Variants in IFT140 observed in about 807,000 individuals in gnomAD.
IFT140 encodes the protein intraflagellar transport 140, also known as intraflagellar transport protein 140 homolog.
A neutral mutation model predicts 164.6 loss-of-function variants in IFT140; 133 were observed. The observed-to-expected ratio is 0.81, with a 90% CI of 0.70 to 0.93. The LOEUF (loss-of-function observed/expected upper bound fraction) is 0.93. IFT140 is among the 40% of genes least tolerant of loss of function. The pLI, the probability that IFT140 is intolerant of heterozygous loss-of-function variation, is 0.00. For missense variants in IFT140, 2,045 were observed against 1,972.3 expected (o/e 1.04, Z -0.70); for synonymous variants, 860 against 817.3 (o/e 1.05, Z -0.89).
chr16:1,524,274 C>T, intron 24 of IFT140: 2 of 605,920 alleles, frequency 3.3e-6, no homozygotes. Flanking sequence ...CTGCCGTCTG[C>T]AAGGCCATAG....
chr16:1,556,800 T>C (rs1460336550), intron 19 of IFT140, among the ~76,000 whole-genome samples: 2 of 152,104 alleles, frequency 1.3e-5, no homozygotes, highest in Admixed American at 6.6e-5. Flanking sequence ...CTGAAAATAA[T>C]TGTTTTTTGT....
At chr16:1,523,456 G>T in intron 26 of IFT140, 62 bp downstream of exon 26, 1 of 1,540,164 alleles carries the variant, frequency 6.5e-7, no homozygotes. Context: ...AGCCTCTGGG[G>T]ACAGGAGACC....
In IFT140 at chr16:1,520,681, T is replaced by C. The variant is rs754978656; in HGVS notation, c.3581A>G (p.Gln1194Arg). Residue 1194 changes from glutamine (Q) to arginine (R), a missense_variant, in exon 27 of 31, where the codon CAG becomes CGG. Physicochemically the swap from Gln to Arg is conservative, Grantham distance 43. Transcript: ENST00000426508. ...PEESRRELLE[Q>R]IADCCMRQGS... ...CTGGCGCATGCAGCAGTCTGCTATC[T>C]GCTCCAGCAGCTCCCGCCGCGACTC... is the stretch of plus-strand genomic sequence containing the variant. 5 of 1,608,804 alleles carry C rather than the reference T, an allele frequency of 3.1e-6. No individual in the cohort carries two copies. The Admixed American group carries it at 8.4e-5, about 27-fold the overall frequency.
rs528042599 is a variant in IFT140 at position 1,571,646 on chromosome 16, T to C, written c.1525-112A>G. On this transcript the variant is annotated intron_variant, in intron 13 of 30. Transcript: ENST00000426508. ...TATATTTCATGTGAGTTACTGAACA[T>C]TGTTCACAGATAACCTTGTACACTC... 2.1e-4 allele frequency: 250 copies of C among 1,179,374 alleles called. No individual in the cohort carries two copies. The African/African-American group carries it at 3.1e-3, about 15-fold the overall frequency. The allele number at this position is 1,179,374 out of a possible 1,614,324, so 73.1% of individuals were successfully genotyped here. A position where few individuals can be genotyped will look rare whatever the true frequency, so the allele number is the denominator to read the frequency against.
chr16:1,550,654 T>C (rs1433094679), intron 19 of IFT140, among the ~76,000 whole-genome samples: 1 of 152,228 alleles, frequency 6.6e-6, no homozygotes, highest in African/African-American at 2.4e-5. Flanking sequence ...CTACCCGCTC[T>C]GTGCTTTGCT....
At chr16:1,590,061 C>T (rs2035094651) in intron 6 of IFT140, among the ~76,000 whole-genome samples, 1 of 151,866 alleles carries the variant, frequency 6.6e-6, no homozygotes. Context: ...GCCAGGCGGG[C>T]GTGGTGGTAT....
At chr16:1,543,187 C>T (rs1318936203) in intron 19 of IFT140, among the ~76,000 whole-genome samples, 2 of 152,252 alleles carry the variant, frequency 1.3e-5, no homozygotes, top group East Asian at 1.9e-4. Flanking sequence ...CGGAGCTGCC[C>T]GCACCCTCCT....
chr16:1,580,862 G>A lies in IFT140; in HGVS notation c.1433-12C>T, dbSNP rs527374193. On this transcript the variant is annotated splice_polypyrimidine_tract_variant and intron_variant, in intron 12 of 30. Coordinates refer to ENST00000426508, the MANE Select transcript of IFT140 (RefSeq NM_014714.4). ...ACACAAGAAGGTCCCTAAAATGAAA[G>A]ACGAACATCAGGATGGCGGCCGCTC... 1 of 1,593,980 alleles carries A rather than the reference G, an allele frequency of 6.3e-7. No homozygotes were observed. Among genetic ancestry groups the A allele is most frequent in the African/African-American group, 1.3e-5 (1 of 74,648 alleles).
At chr16:1,512,231 C>A (rs1255909937) in intron 30 of IFT140, among the ~76,000 whole-genome samples, 1 of 108,918 alleles carries the variant, frequency 9.2e-6, no homozygotes, top group Non-Finnish European at 1.8e-5. Flanking sequence ...GCAGGACAGG[C>A]GGCGTAGGTG....
chr16:1,588,495 A>G (rs1888510277), intron 7 of IFT140, among the ~76,000 whole-genome samples: 1 of 144,832 alleles, frequency 6.9e-6, no homozygotes, highest in Admixed American at 7.0e-5. Context: ...ACTGCACTCC[A>G]GCCTGGGTGA....
At chr16:1,595,870 T>G (rs994759257) in intron 4 of IFT140, among the ~76,000 whole-genome samples, 2 of 152,238 alleles carry the variant, frequency 1.3e-5, no homozygotes, top group Non-Finnish European at 2.9e-5. Context: ...CTGGCCAACA[T>G]GGCGAAATCC....
At chr16:1,585,502 T>C (rs958990810) in intron 10 of IFT140, among the ~76,000 whole-genome samples, 4 of 152,142 alleles carry the variant, frequency 2.6e-5, no homozygotes, top group East Asian at 3.8e-4. Context: ...GTTTGTAAAA[T>C]TGTGAATATA....
chr16:1,524,129 G>C, intron 24 of IFT140, 173 bp from the exon 25 acceptor site: 1 of 814,858 alleles, frequency 1.2e-6, no homozygotes, highest in Non-Finnish European at 1.9e-6. Context: ...TGTCTACAAG[G>C]ATTTTCCGAT....
intron 26 of IFT140, among the ~76,000 whole-genome samples, chr16:1,521,309 G>T (rs1026204518): frequency 6.6e-6 from 1 of 152,018 alleles, no homozygotes; most frequent in Non-Finnish European, 1.5e-5. Flanking sequence ...CAAGCAATCC[G>T]CCTGCCTTAG....
intron 3 of IFT140, among the ~76,000 whole-genome samples, chr16:1,605,065 G>A (rs918755033): frequency 6.6e-6 from 1 of 152,160 alleles, no homozygotes; most frequent in Non-Finnish European, 1.5e-5. Flanking sequence ...GGCAGGAGAT[G>A]TATGTCTGCA....
At chr16:1,605,596 G>A (rs1468720009) in intron 3 of IFT140, among the ~76,000 whole-genome samples, 1 of 152,034 alleles carries the variant, frequency 6.6e-6, no homozygotes, top group African/African-American at 2.4e-5. Context: ...AGTGGAGACG[G>A]GGTTTCACCG....
At chr16:1,588,874 C>T (rs1403083124) in intron 7 of IFT140, among the ~76,000 whole-genome samples, 2 of 152,028 alleles carry the variant, frequency 1.3e-5, no homozygotes, top group Non-Finnish European at 2.9e-5. Flanking sequence ...CCTGGCCTGG[C>T]AGGGCTGTGG....
intron 19 of IFT140, among the ~76,000 whole-genome samples, chr16:1,543,143 G>A (rs1409072399): frequency 2.6e-5 from 4 of 152,238 alleles, no homozygotes; most frequent in East Asian, 1.9e-4. Flanking sequence ...CAGAGAAAGC[G>A]AGCATGTCGG....
intron 4 of IFT140, among the ~76,000 whole-genome samples, chr16:1,597,115 G>A (rs2035501766): frequency 6.6e-6 from 1 of 152,170 alleles, no homozygotes; most frequent in African/African-American, 2.4e-5. Context: ...ACGTCACTGG[G>A]AAGCTTTGCT....
Sources: gnomAD v4.1 joint callset for allele counts (sites outside exome capture counted in the v4.1 genomes callset) on GRCh38, gnomAD v4.1.1 for gene constraint, MANE v1.5 for transcripts, NCBI Gene and HGNC (gene_info 2026-07-23, HGNC 2026-07-21) for gene names.